EXOC4: variants seen among roughly 807,000 people sequenced by gnomAD.
EXOC4 encodes the protein exocyst complex component 4, also known as SEC8-like 1.
In EXOC4, 71 loss-of-function variants were observed where a neutral mutation model predicts 107.2. That is an observed-to-expected ratio of 0.66 (90% CI 0.55 to 0.81). The LOEUF (loss-of-function observed/expected upper bound fraction) is 0.81. EXOC4 is among the 30% of genes least tolerant of loss of function. The probability of loss-of-function intolerance (pLI) is 0.00; values close to 1 mark genes in which losing one functional copy is unlikely to be tolerated. For synonymous variants in EXOC4, 456 were observed against 441.2 expected, an observed-to-expected ratio of 1.03 and a Z score of -0.42; for missense variants, 1,108 against 1,189.6, an observed-to-expected ratio of 0.93 and a Z score of 1.01.
At chr7:133,443,148 A>G (rs957786898) in intron 7 of EXOC4, among the ~76,000 whole-genome samples, 24 of 152,102 alleles carry the variant, frequency 1.6e-4, no homozygotes, top group Admixed American at 1.5e-3. Context: ...CTTTTTCTTC[A>G]CATCTTCTTC....
intron 10 of EXOC4, among the ~76,000 whole-genome samples, chr7:133,681,729 C>T (rs1044925722): frequency 6.6e-6 from 1 of 151,846 alleles, no homozygotes; most frequent in Non-Finnish European, 1.5e-5. Context: ...AAATGATTAG[C>T]TTGCATATTG....
Position 133,581,346 on chromosome 7 carries a change from T to C in EXOC4, c.1418-48699T>C, listed in dbSNP as rs145702199. 1.8e-3 allele frequency among the ~76,000 whole-genome samples: 279 copies of C among 152,310 alleles called. 1 individual carries two copies. Among genetic ancestry groups the C allele is most frequent in the African/African-American group, 6.3e-3 (260 of 41,554 alleles). ...CGGGTACATGTACAGGTTTGCTAGA[T>C]AGGTAAATTGCTTGCCACGGGTGTA... On this transcript the variant is annotated intron_variant, in intron 9 of 17. Coordinates refer to ENST00000253861, the MANE Select transcript of EXOC4 (RefSeq NM_021807.4).
At chr7:133,254,691 C>T (rs909326986) in intron 1 of EXOC4, among the ~76,000 whole-genome samples, 36 of 151,988 alleles carry the variant, frequency 2.4e-4, no homozygotes, top group Admixed American at 7.2e-4. Context: ...ACAGTGTTAC[C>T]CTTGAGGAGA....
chr7:133,325,681 T>G (rs1436133763), intron 5 of EXOC4, among the ~76,000 whole-genome samples: 2 of 152,178 alleles, frequency 1.3e-5, no homozygotes, highest in East Asian at 3.9e-4. Flanking sequence ...AATCTGACAA[T>G]TATTTGCCTT....
intron 4 of EXOC4, among the ~76,000 whole-genome samples, chr7:133,307,380 G>T (rs191744611): frequency 6.6e-6 from 1 of 152,272 alleles, no homozygotes; most frequent in Non-Finnish European, 1.5e-5. Flanking sequence ...AAGTGCTAAG[G>T]CATTCTTTCG....
intron 11 of EXOC4, among the ~76,000 whole-genome samples, chr7:133,858,108 G>A (rs984169417): frequency 1.3e-5 from 2 of 152,096 alleles, no homozygotes; most frequent in African/African-American, 2.4e-5. Flanking sequence ...GTCATCGTCC[G>A]CAGCTCAAGG....
intron 7 of EXOC4, among the ~76,000 whole-genome samples, chr7:133,452,941 A>T (rs1385237362): frequency 6.6e-6 from 1 of 152,122 alleles, no homozygotes. Flanking sequence ...CCAGTTGTTC[A>T]TTAATCTCCT....
At chr7:133,767,792 T>G in intron 10 of EXOC4, among the ~76,000 whole-genome samples, 1 of 151,950 alleles carries the variant, frequency 6.6e-6, no homozygotes, top group East Asian at 1.9e-4. Context: ...TTGAATTCAC[T>G]CACATTAATG....
In EXOC4 at chr7:133,722,092, A is replaced by C. The variant is rs562898329; in HGVS notation, c.1514+91951A>C. 3.9e-5 allele frequency among the ~76,000 whole-genome samples: 6 copies of C among 152,354 alleles called. No homozygotes were observed. In the South Asian group the frequency reaches 1.2e-3, roughly 32 times the overall value. On this transcript the variant is annotated intron_variant, in intron 10 of 17. Coordinates refer to ENST00000253861, the MANE Select transcript of EXOC4 (RefSeq NM_021807.4). ...CTGATGCAATTTGCAGCTGCATATA[A>C]ATTCTGGCACGCAAACAGGAGGTCA... is the stretch of plus-strand genomic sequence containing the variant.
At chr7:133,656,109 A>T (rs1803288164) in intron 10 of EXOC4, among the ~76,000 whole-genome samples, 1 of 152,156 alleles carries the variant, frequency 6.6e-6, no homozygotes, top group East Asian at 1.9e-4. Context: ...TCCTTGACCG[A>T]AACGTCATCC....
chr7:133,319,425 G>A (rs1795060062), intron 5 of EXOC4, among the ~76,000 whole-genome samples: 1 of 152,178 alleles, frequency 6.6e-6, no homozygotes, highest in Non-Finnish European at 1.5e-5. Context: ...AGAACTGCTT[G>A]GTAGTTGACT....
intron 4 of EXOC4, among the ~76,000 whole-genome samples, chr7:133,307,502 C>T (rs1416430941): frequency 6.6e-6 from 1 of 152,032 alleles, no homozygotes; most frequent in Admixed American, 6.6e-5. Flanking sequence ...GGAAAATGAG[C>T]ATTATTTGAG....
At chr7:133,782,618 T>C (rs1585141445) in intron 10 of EXOC4, among the ~76,000 whole-genome samples, 1 of 152,120 alleles carries the variant, frequency 6.6e-6, no homozygotes, top group East Asian at 1.9e-4. Flanking sequence ...CATTCATTCA[T>C]AGTAGGAGTG....
Position 133,898,942 on chromosome 7 carries a change from C to T in EXOC4, c.1871+3207C>T, listed in dbSNP as rs1286372867. Among the ~76,000 whole-genome samples, 4 of 150,772 alleles carry T rather than the reference C, an allele frequency of 2.7e-5. No homozygotes were observed. The South Asian group carries it at 8.4e-4, about 32-fold the overall frequency. ...GCAGTGAGTTGAGATTGCACCCCTG[C>T]ACTCCAGACTGGATGACAGAGTGAG... On this transcript the variant is annotated intron_variant, in intron 12 of 17. Transcript: ENST00000253861.
At chr7:133,722,952 G>A (rs899960147) in intron 10 of EXOC4, among the ~76,000 whole-genome samples, 1 of 152,190 alleles carries the variant, frequency 6.6e-6, no homozygotes, top group Non-Finnish European at 1.5e-5. Flanking sequence ...TCTTAGGTCA[G>A]TGATCATCAT....
At chr7:133,455,242 G>C (rs1291923719) in intron 7 of EXOC4, among the ~76,000 whole-genome samples, 1 of 151,994 alleles carries the variant, frequency 6.6e-6, no homozygotes, top group Admixed American at 6.6e-5. Flanking sequence ...GGGTGAAGTG[G>C]GCCAGTACAA....
intron 9 of EXOC4, among the ~76,000 whole-genome samples, chr7:133,483,489 C>T (rs1222662108): frequency 6.6e-6 from 1 of 152,194 alleles, no homozygotes; most frequent in Non-Finnish European, 1.5e-5. Context: ...GAAATCACTA[C>T]AATCTAACTA....
chr7:133,804,076 A>G (rs1006977852), intron 10 of EXOC4, among the ~76,000 whole-genome samples: 1 of 152,202 alleles, frequency 6.6e-6, no homozygotes, highest in Admixed American at 6.5e-5. Flanking sequence ...AAAAGGCAAT[A>G]CTGTCTTCCA....
chr7:133,410,380 G>C (rs577687017), intron 7 of EXOC4, among the ~76,000 whole-genome samples: 1 of 152,322 alleles, frequency 6.6e-6, no homozygotes, highest in African/African-American at 2.4e-5. Context: ...ATGTATATCT[G>C]TGTGTGTGAT....
Sources: allele counts gnomAD v4.1 joint callset (sites outside exome capture counted in the v4.1 genomes callset), GRCh38; gene constraint gnomAD v4.1.1; transcripts MANE v1.5; gene names NCBI Gene and HGNC (gene_info 2026-07-23, HGNC 2026-07-21).